Variants in KCNB2 observed in about 807,000 individuals in gnomAD.
KCNB2 encodes potassium voltage-gated channel subfamily B member 2, also known as delayed rectifier potassium channel protein.
KCNB2 carries 15 observed loss-of-function variants against 61.5 expected under a neutral mutation model. The ratio of observed to expected loss-of-function variants is 0.24; its 90% confidence interval spans 0.16 to 0.38. The LOEUF is 0.38. KCNB2 is among the 10% of genes least tolerant of loss of function. The pLI, the probability that KCNB2 is intolerant of heterozygous loss-of-function variation, is 1.00. For missense variants in KCNB2, 828 were observed against 1,125.2 expected (o/e 0.74, Z 3.78); for synonymous variants, 457 against 446.0 (o/e 1.02, Z -0.31).
chr8:72,763,706 A>T (rs1808421137), intron 2 of KCNB2, among the ~76,000 whole-genome samples: 1 of 152,216 alleles, frequency 6.6e-6, no homozygotes, highest in Admixed American at 6.5e-5. Flanking sequence ...GATTACTCAA[A>T]TATGTGGTTG....
intron 2 of KCNB2, among the ~76,000 whole-genome samples, chr8:72,718,657 A>T (rs1339602169): frequency 2.9e-4 from 26 of 89,272 alleles, no homozygotes; most frequent in Non-Finnish European, 4.2e-5. Flanking sequence ...CACACCAGGG[A>T]TGGTTGTGGG....
At chr8:72,911,544 C>A in intron 2 of KCNB2, among the ~76,000 whole-genome samples, 1 of 152,222 alleles carries the variant, frequency 6.6e-6, no homozygotes, top group East Asian at 1.9e-4. Context: ...CATCATTGAT[C>A]AAACTAGAGC....
intron 2 of KCNB2, among the ~76,000 whole-genome samples, chr8:72,856,703 T>C (rs1810213665): frequency 6.6e-6 from 1 of 152,206 alleles, no homozygotes; most frequent in Admixed American, 6.5e-5. Context: ...AAACCTCAGA[T>C]TCATTTGAGG....
intron 2 of KCNB2, among the ~76,000 whole-genome samples, chr8:72,870,653 A>G (rs1805601663): frequency 6.6e-6 from 1 of 152,202 alleles, no homozygotes; most frequent in South Asian, 2.1e-4. Flanking sequence ...CTTCCCCATA[A>G]GTTGTAATTT....
chr8:72,806,593 C>T (rs750252423), intron 2 of KCNB2, among the ~76,000 whole-genome samples: 10 of 150,220 alleles, frequency 6.7e-5, no homozygotes, highest in African/African-American at 1.2e-4. Context: ...CCAGCCTGGG[C>T]GACAGAGTGA....
intron 2 of KCNB2, among the ~76,000 whole-genome samples, chr8:72,648,844 T>C (rs192903066): frequency 6.6e-6 from 1 of 152,240 alleles, no homozygotes; most frequent in East Asian, 1.9e-4. Context: ...AACTATATTA[T>C]TCACCAGACC....
chr8:72,648,264 C>G (rs1387621866), intron 2 of KCNB2, among the ~76,000 whole-genome samples: 1 of 152,126 alleles, frequency 6.6e-6, no homozygotes, highest in Non-Finnish European at 1.5e-5. Flanking sequence ...TTTAGGTCTT[C>G]TGTGTCACAT....
intron 2 of KCNB2, among the ~76,000 whole-genome samples, chr8:72,818,141 T>A (rs1809433920): frequency 6.6e-6 from 1 of 152,104 alleles, no homozygotes. Flanking sequence ...TGGTTCTATT[T>A]CTAGGCAAGG....
At chr8:72,869,002 C>A (rs4255180) in intron 2 of KCNB2, among the ~76,000 whole-genome samples, 1 of 152,016 alleles carries the variant, frequency 6.6e-6, no homozygotes, top group Non-Finnish European at 1.5e-5. Context: ...AAATTGGGGG[C>A]AAGGTAGGGG....
chr8:72,862,622 T>G lies in KCNB2; in HGVS notation c.580-73313T>G, dbSNP rs549540901. On this transcript the variant is annotated intron_variant, in intron 2 of 2. Coordinates refer to ENST00000523207, the MANE Select transcript of KCNB2 (RefSeq NM_004770.3). ...ATTATAAAGGACAGGAGTTTCCAGT[T>G]TCCTCACCTATGAAAAGGGGGATTC... is the stretch of plus-strand genomic sequence containing the variant. 1.2e-4 allele frequency among the ~76,000 whole-genome samples: 19 copies of G among 152,338 alleles called. No individual in the cohort carries two copies. The East Asian group carries it at 3.5e-3, about 28-fold the overall frequency.
At chr8:72,926,253 G>GAAGGAAAAAGAGAAAGAAATGTTT (rs1272015007) in intron 2 of KCNB2, among the ~76,000 whole-genome samples, 1 of 152,042 alleles carries the variant, frequency 6.6e-6, no homozygotes, top group Non-Finnish European at 1.5e-5. Flanking sequence ...AATAAATGTT[G>GAAGGAAAAAGAGAAAGAAATGTTT]AAGGAAAAAG....
At chr8:72,882,602 G>A (rs1805735279) in intron 2 of KCNB2, among the ~76,000 whole-genome samples, 1 of 150,902 alleles carries the variant, frequency 6.6e-6, no homozygotes, top group South Asian at 2.1e-4. Context: ...CCTAGCAACT[G>A]GGCCAGTAGT....
intron 2 of KCNB2, among the ~76,000 whole-genome samples, chr8:72,912,808 ATCAC>A (rs1806324289): frequency 6.6e-6 from 1 of 152,082 alleles, no homozygotes; most frequent in Admixed American, 6.6e-5. Context: ...TACCTATACC[ATCAC>A]TCAGTAATTA....
chr8:72,556,021 A>G (rs780337847), intron 1 of KCNB2, among the ~76,000 whole-genome samples: 29 of 152,072 alleles, frequency 1.9e-4, no homozygotes, highest in Non-Finnish European at 3.4e-4. Context: ...TACTGTTGCA[A>G]CCATAATTAT....
Position 72,755,992 on chromosome 8 carries a change from T to C in KCNB2, c.580-179943T>C, listed in dbSNP as rs1474682085. ...TGGCTCCTGTAGCCCTCCTCAGCTG[T>C]ACATATGATGCTGCTTTCTGGCCAT... On this transcript the variant is annotated intron_variant, in intron 2 of 2. Coordinates refer to ENST00000523207, the MANE Select transcript of KCNB2 (RefSeq NM_004770.3). Among the ~76,000 whole-genome samples the C allele has an allele frequency of 2.0e-5, 3 of 152,186 alleles. 1 individual carries two copies. Among genetic ancestry groups the C allele is most frequent in the Admixed American group, 2.0e-4 (3 of 15,282 alleles).
intron 2 of KCNB2, among the ~76,000 whole-genome samples, chr8:72,645,169 T>A (rs563389215): frequency 6.6e-6 from 1 of 152,256 alleles, no homozygotes; most frequent in African/African-American, 2.4e-5. Context: ...ATCTCCAATA[T>A]GGAATGATGC....
At chr8:72,596,925 G>GC in intron 2 of KCNB2, among the ~76,000 whole-genome samples, 1 of 146,466 alleles carries the variant, frequency 6.8e-6, no homozygotes, top group East Asian at 2.2e-4. Flanking sequence ...TGATGTTATT[G>GC]CCTCTGCTAT....
At chr8:72,768,570 T>C (rs1054897697) in intron 2 of KCNB2, among the ~76,000 whole-genome samples, 7 of 152,110 alleles carry the variant, frequency 4.6e-5, no homozygotes, top group Admixed American at 1.3e-4. Context: ...GTCCAATTTA[T>C]CCTTTTTTTG....
At chr8:72,770,776 G>T (rs1425550785) in intron 2 of KCNB2, among the ~76,000 whole-genome samples, 1 of 152,214 alleles carries the variant, frequency 6.6e-6, no homozygotes, top group Non-Finnish European at 1.5e-5. Flanking sequence ...GACAAAGAGA[G>T]TTTGTGTTTT....
Sources: allele counts gnomAD v4.1 joint callset (sites outside exome capture counted in the v4.1 genomes callset), GRCh38; gene constraint gnomAD v4.1.1; transcripts MANE v1.5; gene names NCBI Gene and HGNC (gene_info 2026-07-23, HGNC 2026-07-21).